DLGAP2: variants seen among roughly 807,000 people sequenced by gnomAD.
DLGAP2 encodes the protein disks large-associated protein 2.
Under a neutral mutation model 100.3 loss-of-function variants are expected in DLGAP2, and 26 were observed. The ratio of observed to expected loss-of-function variants is 0.26; its 90% CI spans 0.19 to 0.36. The LOEUF is 0.36. Ranked by LOEUF, DLGAP2 falls within the 10% of genes least tolerant of loss-of-function variation. DLGAP2 has a pLI of 1.00. For synonymous variants in DLGAP2, 886 were observed against 630.1 expected, an observed-to-expected ratio of 1.41 and a Z score of -6.08; for missense variants, 1,858 against 1,453.2, an observed-to-expected ratio of 1.28 and a Z score of -4.53.
chr8:1,348,699 C>G (rs1371422914), intron 3 of DLGAP2, among the ~76,000 whole-genome samples: 1 of 152,228 alleles, frequency 6.6e-6, no homozygotes, highest in African/African-American at 2.4e-5. Flanking sequence ...AGCTGCATTG[C>G]TCTCATGGCC....
intron 13 of DLGAP2, among the ~76,000 whole-genome samples, chr8:1,694,946 C>G (rs1235127557): frequency 6.6e-6 from 1 of 152,112 alleles, no homozygotes; most frequent in Non-Finnish European, 1.5e-5. Flanking sequence ...GAACAGAAGA[C>G]AAAACCAAAC....
chr8:768,418 A>ATTTTTTTTTT, intron 1 of DLGAP2, among the ~76,000 whole-genome samples: 1 of 99,960 alleles, frequency 1.0e-5, no homozygotes, highest in Non-Finnish European at 1.9e-5. Context: ...GAAGGCGTTG[A>ATTTTTTTTTT]TTTTTTTTTT....
Position 1,214,374 on chromosome 8 carries a change from G to A in DLGAP2, c.74-44477G>A, listed in dbSNP as rs1468357708. 2.6e-5 allele frequency among the ~76,000 whole-genome samples: 4 copies of A among 152,320 alleles called. No individual in the cohort carries two copies. In the South Asian group the frequency reaches 8.3e-4, roughly 32 times the overall value. ...CCCAGGGTGCTTTCCAGGGGGAAGA[G>A]GTGCCATTGCTGATGACAGAAGGGC... On this transcript the variant is annotated intron_variant, in intron 2 of 14. Transcript: ENST00000637795.
chr8:1,422,082 T>G (rs2129938564), intron 3 of DLGAP2, among the ~76,000 whole-genome samples: 1 of 152,330 alleles, frequency 6.6e-6, no homozygotes, highest in South Asian at 2.1e-4. Context: ...AGGCTGCGTT[T>G]GTTACTCCAT....
intron 2 of DLGAP2, among the ~76,000 whole-genome samples, chr8:1,040,032 C>T (rs116830893): frequency 0.031 from 4,502 of 144,144 alleles, 188 homozygotes; most frequent in African/African-American, 0.11. Context: ...GTGGTCAGCT[C>T]GGTGTGCATG....
At chr8:888,385 A>G (rs888949393) in intron 1 of DLGAP2, among the ~76,000 whole-genome samples, 3 of 152,090 alleles carry the variant, frequency 2.0e-5, no homozygotes, top group Admixed American at 2.0e-4. Flanking sequence ...ACTTCTGTCA[A>G]TTTGTCCACC....
chr8:1,259,967 T>A (rs1407067656), intron 3 of DLGAP2, among the ~76,000 whole-genome samples: 1 of 152,242 alleles, frequency 6.6e-6, no homozygotes, highest in Non-Finnish European at 1.5e-5. Flanking sequence ...TGTACATTTT[T>A]AAATCATAAG....
chr8:1,420,461 T>C (rs758757402), intron 3 of DLGAP2, among the ~76,000 whole-genome samples: 1 of 152,092 alleles, frequency 6.6e-6, no homozygotes, highest in East Asian at 1.9e-4. Context: ...GCACTTTGAG[T>C]TTTTTCTAAT....
intron 1 of DLGAP2, among the ~76,000 whole-genome samples, chr8:787,643 C>T (rs545359663): frequency 3.3e-5 from 5 of 152,322 alleles, no homozygotes; most frequent in African/African-American, 9.6e-5. Context: ...CCGGTGGCCT[C>T]TTCCCCCCTT....
chr8:1,523,466 C>T (rs1006080075), intron 4 of DLGAP2, among the ~76,000 whole-genome samples: 1 of 152,224 alleles, frequency 6.6e-6, no homozygotes, highest in Non-Finnish European at 1.5e-5. Context: ...AGCCCCAAGG[C>T]GGGCCAGATC....
intron 2 of DLGAP2, among the ~76,000 whole-genome samples, chr8:1,024,128 G>C (rs939412817): frequency 2.3e-4 from 34 of 150,960 alleles, no homozygotes; most frequent in Non-Finnish European, 5.9e-5. Context: ...TGGAGGAGTG[G>C]ACAGTCCCAT....
chr8:1,504,556 C>T (rs1234530793), intron 4 of DLGAP2, among the ~76,000 whole-genome samples: 1 of 152,206 alleles, frequency 6.6e-6, no homozygotes, highest in African/African-American at 2.4e-5. Flanking sequence ...CAGTTCCCCC[C>T]AACCCTCTCT....
intron 6 of DLGAP2, among the ~76,000 whole-genome samples, chr8:1,591,921 G>A (rs1796304491): frequency 6.6e-6 from 1 of 152,226 alleles, no homozygotes; most frequent in Non-Finnish European, 1.5e-5. Context: ...ACCCGGGGCG[G>A]TGGATGGAGG....
chr8:1,065,093 C>T (rs1015564582), intron 2 of DLGAP2, among the ~76,000 whole-genome samples: 3 of 152,206 alleles, frequency 2.0e-5, no homozygotes, highest in African/African-American at 7.2e-5. Flanking sequence ...GAAAATATGT[C>T]TCCACGCACC....
rs1003667652 is a variant in DLGAP2, at chr8:1,084,776, C to G, written c.74-174075C>G. Among the ~76,000 whole-genome samples, 3 of 152,262 alleles carry G rather than the reference C, an allele frequency of 2.0e-5. No individual in the cohort carries two copies. In the East Asian group the frequency reaches 5.8e-4, roughly 29 times the overall value. On this transcript the variant is annotated intron_variant, in intron 2 of 14. Transcript: ENST00000637795. ...CACCACACTTCCTTTATTCGTTGCTCCCTTGATGGACACAGGTTGATTCCA... is the reference window on the plus strand; with the variant it reads ...CACCACACTTCCTTTATTCGTTGCTGCCTTGATGGACACAGGTTGATTCCA...
intron 2 of DLGAP2, among the ~76,000 whole-genome samples, chr8:1,147,607 A>T (rs1268198017): frequency 2.0e-5 from 3 of 150,070 alleles, no homozygotes; most frequent in Non-Finnish European, 4.4e-5. Flanking sequence ...ATCAGAGTTT[A>T]CTGCAGCCTT....
intron 2 of DLGAP2, among the ~76,000 whole-genome samples, chr8:1,068,702 G>A (rs1394251694): frequency 6.6e-6 from 1 of 151,940 alleles, no homozygotes; most frequent in Non-Finnish European, 1.5e-5. Flanking sequence ...TGGGACAGAG[G>A]GAGGGAAGGG....
At chr8:1,107,041 G>T (rs1402580656) in intron 2 of DLGAP2, among the ~76,000 whole-genome samples, 1 of 152,174 alleles carries the variant, frequency 6.6e-6, no homozygotes, top group African/African-American at 2.4e-5. Context: ...AGGCAGCAGT[G>T]AGTGTACTGA....
chr8:1,068,299 G>A (rs1033778527), intron 2 of DLGAP2, among the ~76,000 whole-genome samples: 1 of 152,214 alleles, frequency 6.6e-6, no homozygotes, highest in African/African-American at 2.4e-5. Context: ...TAAGTTTCCA[G>A]CTCATCTGGG....
Sources: gnomAD v4.1 joint callset for allele counts (sites outside exome capture counted in the v4.1 genomes callset) on GRCh38, gnomAD v4.1.1 for gene constraint, MANE v1.5 for transcripts, NCBI Gene and HGNC (gene_info 2026-07-23, HGNC 2026-07-21) for gene names.